Variants in CCDC88A observed in about 807,000 individuals in gnomAD.
CCDC88A encodes girdin.
In CCDC88A, 54 loss-of-function variants were observed where a neutral mutation model predicts 234.3. The ratio of observed to expected loss-of-function variants is 0.23; its 90% CI spans 0.19 to 0.29. The LOEUF (loss-of-function observed/expected upper bound fraction) is 0.29. CCDC88A is among the 10% of genes least tolerant of loss of function. The probability of loss-of-function intolerance (pLI) is 1.00; values close to 1 mark genes in which losing one functional copy is unlikely to be tolerated. For synonymous variants in CCDC88A, 753 were observed against 737.8 expected, an observed-to-expected ratio of 1.02 and a Z score of -0.33; for missense variants, 1,832 against 2,123.4, an observed-to-expected ratio of 0.86 and a Z score of 2.70.
chr2:55,395,380 A>G (rs1677355906), intron 2 of CCDC88A, among the ~76,000 whole-genome samples: 1 of 152,212 alleles, frequency 6.6e-6, no homozygotes, highest in Admixed American at 6.5e-5. Flanking sequence ...CCTAGACTAT[A>G]TACTCTCTCA....
At chr2:55,302,167 A>G (rs1460026742) in intron 26 of CCDC88A, 95 bp from the exon 27 acceptor site, 1 of 892,544 alleles carries the variant, frequency 1.1e-6, no homozygotes, top group Non-Finnish European at 1.8e-6. Context: ...TTGTCTATGA[A>G]TTAATGCAAA....
chr2:55,372,338 A>G (rs1274689988), intron 5 of CCDC88A, 114 bp downstream of exon 5: 4 of 555,052 alleles, frequency 7.2e-6, no homozygotes, highest in Non-Finnish European at 1.3e-5. Context: ...AAAATTTTCT[A>G]ACATGGACTT....
intron 2 of CCDC88A, among the ~76,000 whole-genome samples, chr2:55,411,381 T>A (rs1468517989): frequency 6.6e-6 from 1 of 152,162 alleles, no homozygotes; most frequent in Non-Finnish European, 1.5e-5. Context: ...TAGGTTCTCA[T>A]CATTTCTGTA....
At chr2:55,299,136 GGAGGTTACAGT>G (rs200017853) in intron 29 of CCDC88A, among the ~76,000 whole-genome samples, 11,377 of 151,938 alleles carry the variant, frequency 0.075, 959 homozygotes, top group African/African-American at 0.21. Context: ...CCTGGGAGGT[GGAGGTTACAGT>G]GAGCTGAGAT....
rs1399719084 is a variant in CCDC88A at position 55,418,927 on chromosome 2, CAGA to C, written c.64-14_64-12del. The C allele has an allele frequency of 6.2e-7, 1 of 1,611,584 alleles. No homozygotes were observed. Among genetic ancestry groups the C allele is most frequent in the Non-Finnish European group, 8.5e-7 (1 of 1,177,842 alleles). Reference sequence around the variant, plus strand: ...TCCAAACGTTTTAACCTAGAACAAACAGAAGGATCACCACGACATGAACGCCCA... The same window carrying C: ...TCCAAACGTTTTAACCTAGAACAAACAGGATCACCACGACATGAACGCCCA... On this transcript the variant is annotated splice_polypyrimidine_tract_variant and intron_variant, in intron 1 of 32. Transcript: ENST00000436346.
intron 15 of CCDC88A, among the ~76,000 whole-genome samples, chr2:55,333,722 G>T: frequency 6.6e-6 from 1 of 151,966 alleles, no homozygotes; most frequent in East Asian, 1.9e-4. Context: ...CAACTTATAT[G>T]AAGTTTTTAG....
At chr2:55,395,374 G>C (rs1180573577) in intron 2 of CCDC88A, among the ~76,000 whole-genome samples, 1 of 152,056 alleles carries the variant, frequency 6.6e-6, no homozygotes, top group African/African-American at 2.4e-5. Flanking sequence ...CAAAGTCCTA[G>C]ACTATATACT....
At chr2:55,336,126 C>T (rs929917120) in intron 14 of CCDC88A, among the ~76,000 whole-genome samples, 3 of 151,992 alleles carry the variant, frequency 2.0e-5, no homozygotes, top group Admixed American at 6.6e-5. Flanking sequence ...CCTAGGTGTT[C>T]GAGGTTGCAG....
At chr2:55,360,939 AT>A (rs1282881015) in intron 7 of CCDC88A, among the ~76,000 whole-genome samples, 1 of 152,162 alleles carries the variant, frequency 6.6e-6, no homozygotes, top group African/African-American at 2.4e-5. Context: ...AAATACAAAA[AT>A]TAGCCATGCG....
intron 31 of CCDC88A, chr2:55,295,026 A>G (rs1457394837): frequency 4.1e-6 from 5 of 1,221,486 alleles, no homozygotes. Flanking sequence ...AGCAGTGTAT[A>G]TCAAATAACA....
At chr2:55,359,736 C>A (rs1336835486) in intron 7 of CCDC88A, among the ~76,000 whole-genome samples, 1 of 151,594 alleles carries the variant, frequency 6.6e-6, no homozygotes, top group African/African-American at 2.4e-5. Flanking sequence ...CTATAACAAT[C>A]TTTGGTTCTT....
chr2:55,322,707 A>G lies in CCDC88A; in HGVS notation c.2998-15T>C, dbSNP rs1683783208. The G allele has an allele frequency of 7.2e-7, 1 of 1,391,458 alleles. No individual in the cohort carries two copies. Among genetic ancestry groups the G allele is most frequent in the Non-Finnish European group, 9.8e-7 (1 of 1,024,322 alleles). The allele number at this position is 1,391,458 out of a possible 1,614,324, so 86.2% of individuals were successfully genotyped here. A position where few individuals can be genotyped will look rare whatever the true frequency, so the allele number is the denominator to read the frequency against. On this transcript the variant is annotated splice_polypyrimidine_tract_variant and intron_variant, in intron 17 of 32. Transcript: ENST00000436346. Reference sequence around the variant, plus strand: ...TTTTTTTTCACCTAAAATTTTATTTAAAATATTTTAATGGGGAGAAAAAAA... The same window carrying G: ...TTTTTTTTCACCTAAAATTTTATTTGAAATATTTTAATGGGGAGAAAAAAA...
intron 19 of CCDC88A, among the ~76,000 whole-genome samples, 193 bp from the exon 20 acceptor site, chr2:55,318,034 A>G (rs1054782062): frequency 6.6e-6 from 1 of 152,142 alleles, no homozygotes; most frequent in Non-Finnish European, 1.5e-5. Context: ...TTGGAAGTGT[A>G]TATATACATA....
intron 29 of CCDC88A, among the ~76,000 whole-genome samples, chr2:55,298,547 AAG>A (rs1212358659): frequency 6.6e-6 from 1 of 152,214 alleles, no homozygotes; most frequent in African/African-American, 2.4e-5. Flanking sequence ...ATAATCCAAA[AAG>A]GAACAAAACA....
chr2:55,371,502 A>G lies in CCDC88A; in HGVS notation c.402+950T>C, dbSNP rs947322131. 3.3e-5 allele frequency among the ~76,000 whole-genome samples: 5 copies of G among 152,366 alleles called. No individual in the cohort carries two copies. The South Asian group carries it at 6.2e-4, about 19-fold the overall frequency. ...ATTCATCCAAAAAATGGCTGAAATG[A>G]AAAACATAGTATAATAGATTTTGAA... On this transcript the variant is annotated intron_variant, in intron 5 of 32. Transcript: ENST00000436346.
intron 26 of CCDC88A, 52 bp from the exon 27 acceptor site, chr2:55,302,124 TA>T (rs1237136850): frequency 7.0e-6 from 10 of 1,429,296 alleles, no homozygotes; most frequent in Non-Finnish European, 9.8e-6. Flanking sequence ...TATTTGTTCT[TA>T]TTTCTATTTT....
In CCDC88A at chr2:55,355,565, A is replaced by G; in HGVS notation, c.800+14T>C. 1 of 1,612,550 alleles carries G rather than the reference A, an allele frequency of 6.2e-7. No homozygotes were observed. The highest frequency in any genetic ancestry group is 1.1e-5 in the South Asian group (1 of 91,042). ...CCATATAAATTCAATGAACCTCAAA[A>G]ATCAGCAACTTACAATTCCTGCCTA... On this transcript the variant is annotated intron_variant, in intron 8 of 32. Coordinates refer to ENST00000436346, the MANE Select transcript of CCDC88A (RefSeq NM_001365480.1).
In CCDC88A at chr2:55,374,880, T is replaced by C; in HGVS notation, c.277A>G (p.Thr93Ala). ...GACATCATGATCAATTGCTGCAAAG[T>C]CTCCTGTAAAAAAATATCCAACACT... ...VRQIKFYYQE[T>A]LQQLIMMSLP... is the part of the protein sequence containing the mutation. Residue 93 changes from threonine to alanine, a missense_variant, in exon 4 of 33, where the codon ACT becomes GCT. Thr to Ala is a moderately conservative substitution (Grantham distance 58, BLOSUM62 0). Coordinates refer to ENST00000436346, the MANE Select transcript of CCDC88A (RefSeq NM_001365480.1). The C allele has an allele frequency of 6.2e-7, 1 of 1,600,512 alleles. No individual in the cohort carries two copies. The highest frequency in any genetic ancestry group is 1.1e-5 in the South Asian group (1 of 89,872).
rs956962920 is a variant in CCDC88A, at chr2:55,419,210, G to A, written c.-131C>T. On this transcript the variant is annotated 5_prime_UTR_variant, in exon 1 of 33. Transcript: ENST00000436346. ...AAGGGAGAAAAATCCCATCGTGGAGGAGGGGGGCACTCTCCCTCCTCAAAA... is the reference window on the plus strand; with the variant it reads ...AAGGGAGAAAAATCCCATCGTGGAGAAGGGGGGCACTCTCCCTCCTCAAAA... 1.9e-5 allele frequency: 12 copies of A among 643,378 alleles called. No homozygotes were observed. The highest frequency in any genetic ancestry group is 3.3e-5 in the Non-Finnish European group (12 of 361,844). 39.9% of individuals were successfully genotyped at this position (643,378 alleles called of 1,614,324 possible). A position where few individuals can be genotyped will look rare whatever the true frequency, so the allele number is the denominator to read the frequency against.
Sources: allele counts gnomAD v4.1 joint callset (sites outside exome capture counted in the v4.1 genomes callset), GRCh38; gene constraint gnomAD v4.1.1; transcripts MANE v1.5; gene names NCBI Gene and HGNC (gene_info 2026-07-23, HGNC 2026-07-21).